ZNF677: variants seen among roughly 807,000 people sequenced by gnomAD.
ZNF677 encodes zinc finger protein 677.
Under a neutral mutation model 8.1 loss-of-function variants are expected in ZNF677, and 5 were observed. That is an observed-to-expected ratio of 0.62 (90% confidence interval 0.32 to 1.29). The LOEUF is 1.29. Among genes scored for constraint, ZNF677 ranks in the 50% most tolerant of loss-of-function variants. The probability of loss-of-function intolerance (pLI) is 0.05; values close to 1 mark genes in which losing one functional copy is unlikely to be tolerated. For missense variants in ZNF677, 685 were observed against 685.9 expected (o/e 1.00, Z 0.01); for synonymous variants, 221 against 225.6 (o/e 0.98, Z 0.18).
intron 4 of ZNF677, chr19:53,239,610 A>T (rs1478930745): frequency 6.6e-6 from 1 of 152,182 alleles, no homozygotes; most frequent in African/African-American, 2.4e-5. Context: ...TATGAAAAAA[A>T]AAATTACAAA....
At position 53,237,785 on chromosome 19, in the gene ZNF677, T is replaced by C. The variant is rs770294308; in HGVS notation, c.942A>G (p.Thr314=). 16 of 1,613,238 alleles carry C rather than the reference T, an allele frequency of 9.9e-6. No homozygotes were observed. The highest frequency in any genetic ancestry group is 9.3e-5 in the African/African-American group (7 of 74,966). Residue 314 remains threonine (T), a synonymous_variant, in exon 5 of 5, where the codon ACA becomes ACG. Coordinates refer to ENST00000598513, the MANE Select transcript of ZNF677 (RefSeq NM_182609.4). Reference sequence around the variant, plus strand: ...TATTACATTGATATGGTTTCTCTCCTGTATGGACTCTCTGATGCCTAGTGA... The same window carrying C: ...TATTACATTGATATGGTTTCTCTCCCGTATGGACTCTCTGATGCCTAGTGA... ...SNLTRHQRVH[T]GEKPYQCNIC... is the part of the protein sequence containing the mutation.
At chr19:53,243,543 C>T in intron 4 of ZNF677, 1 of 637,288 alleles carries the variant, frequency 1.6e-6, no homozygotes, top group South Asian at 2.2e-5. Flanking sequence ...CTGGAACCAC[C>T]ACTCGTCAAA....
chr19:53,238,373 TTTGTAA>T lies in ZNF677; in HGVS notation c.348_353del (p.Asn116_Tyr117del), dbSNP rs754796600. 3.1e-6 allele frequency: 5 copies of T among 1,613,632 alleles called. No individual in the cohort carries two copies. The East Asian group carries it at 1.1e-4, about 36-fold the overall frequency. On this transcript the variant is annotated inframe_deletion, in exon 5 of 5. Transcript: ENST00000598513. Reference sequence around the variant, plus strand: ...TTTTGTTACAGGTCAAAGGCATTCCTTTGTAATTTTTTACATCATAGTCCCACAGGC... The same window carrying T: ...TTTTGTTACAGGTCAAAGGCATTCCTTTTTTTACATCATAGTCCCACAGGC...
chr19:53,252,165 C>G (rs1043917389), intron 2 of ZNF677, among the ~76,000 whole-genome samples: 3 of 152,108 alleles, frequency 2.0e-5, no homozygotes, highest in Non-Finnish European at 2.9e-5. Context: ...AACCCTATGC[C>G]CCGACCCCTT....
chr19:53,250,061 G>A (rs527597201), intron 3 of ZNF677, among the ~76,000 whole-genome samples: 95 of 152,034 alleles, frequency 6.2e-4, no homozygotes, highest in African/African-American at 2.0e-3. Flanking sequence ...TAGTAGAGAC[G>A]GGATTTCACC....
chr19:53,240,045 CCACTGCT>C (rs1354342345), intron 4 of ZNF677: 2 of 152,188 alleles, frequency 1.3e-5, no homozygotes, highest in African/African-American at 4.8e-5. Flanking sequence ...TGTGACAGCA[CCACTGCT>C]CTCAGATAGC....
intron 4 of ZNF677, chr19:53,243,529 T>C (rs2091087789): frequency 3.3e-6 from 2 of 602,052 alleles, no homozygotes. Context: ...TAAGTACTGA[T>C]ATTCTGGAAC....
chr19:53,243,360 A>G (rs533878735), intron 4 of ZNF677: 3 of 288,222 alleles, frequency 1.0e-5, no homozygotes, highest in African/African-American at 6.6e-5. Context: ...CTGCAAAACT[A>G]TTTCCCAAAA....
intron 2 of ZNF677, among the ~76,000 whole-genome samples, chr19:53,252,375 G>C (rs960412582): frequency 6.6e-6 from 1 of 152,184 alleles, no homozygotes; most frequent in Non-Finnish European, 1.5e-5. Flanking sequence ...GAGCCTCAGA[G>C]AGAGGAGATA....
chr19:53,254,072 T>C (rs1191425535), intron 1 of ZNF677, among the ~76,000 whole-genome samples: 2 of 152,194 alleles, frequency 1.3e-5, no homozygotes, highest in Non-Finnish European at 2.9e-5. Flanking sequence ...ACACCGTAGT[T>C]TTGCAATTTT....
intron 1 of ZNF677, among the ~76,000 whole-genome samples, chr19:53,253,875 G>A (rs2091273870): frequency 1.3e-5 from 2 of 152,068 alleles, no homozygotes; most frequent in African/African-American, 4.8e-5. Context: ...AAAAAGGAGG[G>A]AATAATATTG....
chr19:53,241,547 C>A, intron 4 of ZNF677: 1 of 322,250 alleles, frequency 3.1e-6, no homozygotes. Flanking sequence ...GAATGCTCTT[C>A]CCAGGAGAAA....
In ZNF677 at chr19:53,238,220, C is replaced by T. The variant is rs1158086971; in HGVS notation, c.507G>A (p.Leu169=). ...ACCTTATGTTATTTTTCAGTTTTAA[C>T]AAATTCCTTATAAATGGCTTGTCAT... ...FIHDKPFIRN[L]LKLKNNIRYA... The change falls in exon 5 of 5, where the codon TTG becomes TTA. Residue 169 remains leucine, a synonymous_variant. Transcript: ENST00000598513. 1.9e-6 allele frequency: 3 copies of T among 1,613,834 alleles called. No individual in the cohort carries two copies. Among genetic ancestry groups the T allele is most frequent in the African/African-American group, 2.7e-5 (2 of 74,920 alleles).
intron 4 of ZNF677, chr19:53,243,052 T>C (rs1220113974): frequency 6.6e-6 from 1 of 152,398 alleles, no homozygotes; most frequent in Admixed American, 6.5e-5. Context: ...AAACTTTTGT[T>C]TTCCCACTGA....
At chr19:53,249,106 CAA>C (rs1246345880) in intron 3 of ZNF677, 1 of 152,140 alleles carries the variant, frequency 6.6e-6, no homozygotes, top group Non-Finnish European at 1.5e-5. Context: ...TTTTCAGCTC[CAA>C]AACTTCTATT....
intron 3 of ZNF677, among the ~76,000 whole-genome samples, chr19:53,246,413 T>C (rs2091141736): frequency 6.6e-6 from 1 of 151,444 alleles, no homozygotes; most frequent in African/African-American, 2.4e-5. Context: ...TACTTCCATA[T>C]CTATTGCAGC....
intron 4 of ZNF677, chr19:53,241,511 C>A (rs567305801): frequency 1.9e-5 from 5 of 262,026 alleles, no homozygotes; most frequent in Non-Finnish European, 3.6e-5. Flanking sequence ...TCAACATGTT[C>A]GCAGATATGA....
chr19:53,243,347 G>A, intron 4 of ZNF677: 1 of 184,748 alleles, frequency 5.4e-6, no homozygotes, highest in Non-Finnish European at 9.3e-6. Flanking sequence ...ATTACACATG[G>A]GTCTGCAAAA....
chr19:53,239,253 A>T (rs2091011348), intron 4 of ZNF677: 1 of 152,226 alleles, frequency 6.6e-6, no homozygotes, highest in Non-Finnish European at 1.5e-5. Flanking sequence ...TCTAACAGGC[A>T]AGTTAATGAA....
Sources: gnomAD v4.1 joint callset for allele counts (sites outside exome capture counted in the v4.1 genomes callset) on GRCh38, gnomAD v4.1.1 for gene constraint, MANE v1.5 for transcripts, NCBI Gene and HGNC (gene_info 2026-07-23, HGNC 2026-07-21) for gene names.